Variants in CHD2 observed in about 807,000 individuals in gnomAD.
CHD2 encodes the protein ATP-dependent chromatin remodeler CHD2.
CHD2 carries 28 observed loss-of-function variants against 243.9 expected under a neutral mutation model. The ratio of observed to expected loss-of-function variants is 0.11; its 90% confidence interval spans 0.09 to 0.16. The LOEUF (loss-of-function observed/expected upper bound fraction) is 0.16. Among genes scored for constraint, CHD2 ranks in the 10% least tolerant of loss-of-function variants. The pLI is 1.00. For missense variants in CHD2, 1,386 were observed against 2,209.8 expected (o/e 0.63, Z 7.47); for synonymous variants, 775 against 779.0 (o/e 0.99, Z 0.09).
At chr15:92,939,770 G>A (rs781401296) in intron 7 of CHD2, 52 bp downstream of exon 7, 1 of 1,575,678 alleles carries the variant, frequency 6.3e-7, no homozygotes, top group South Asian at 1.1e-5. Context: ...AAAGTAGTTG[G>A]TTAGATTTTG....
At position 92,946,462 on chromosome 15, in the gene CHD2, G is replaced by A. The variant is rs2053469882; in HGVS notation, c.1377+246G>A. 9.3e-6 allele frequency: 3 copies of A among 321,488 alleles called. No individual in the cohort carries two copies. The Admixed American group carries it at 1.4e-4, about 15-fold the overall frequency. 19.9% of individuals were successfully genotyped at this position (321,488 alleles called of 1,614,324 possible). ...AGATATTTGAGAGAATACTTGAAAG[G>A]ATTTAGGCACTTTTATTTTATTTTA... is the stretch of plus-strand genomic sequence containing the variant. On this transcript the variant is annotated intron_variant, in intron 12 of 38. Coordinates refer to ENST00000394196, the MANE Select transcript of CHD2 (RefSeq NM_001271.4).
At chr15:92,938,318 C>T (rs975760833) in intron 6 of CHD2, among the ~76,000 whole-genome samples, 2 of 152,158 alleles carry the variant, frequency 1.3e-5, no homozygotes, top group African/African-American at 2.4e-5. Flanking sequence ...CAATTCTGTT[C>T]TCATTAGTAG....
At chr15:92,904,466 C>G (rs762121789) in intron 2 of CHD2, 44 of 989,376 alleles carry the variant, frequency 4.4e-5, no homozygotes, top group African/African-American at 1.0e-4. Flanking sequence ...TTCTCCTCCC[C>G]CTACCCAGGG....
At position 92,996,666 on chromosome 15, in the gene CHD2, A is replaced by G. The variant is rs1169534219; in HGVS notation, c.3596-291A>G. On this transcript the variant is annotated intron_variant, in intron 28 of 38. Coordinates refer to ENST00000394196, the MANE Select transcript of CHD2 (RefSeq NM_001271.4). ...CACTAATATTATACCCTCAGAATCT[A>G]CTTTTGTTCATTTGGAAACAAAGTA... is the stretch of plus-strand genomic sequence containing the variant. Among the ~76,000 whole-genome samples, 6 of 152,296 alleles carry G rather than the reference A, an allele frequency of 3.9e-5. No homozygotes were observed. The South Asian group carries it at 8.3e-4, about 21-fold the overall frequency.
intron 37 of CHD2, among the ~76,000 whole-genome samples, chr15:93,015,991 A>G (rs1423882623): frequency 1.3e-5 from 2 of 152,248 alleles, no homozygotes; most frequent in Non-Finnish European, 2.9e-5. Context: ...ATGATGCAGC[A>G]GTCCCTTTAC....
Position 93,000,558 on chromosome 15 carries a change from T to C in CHD2, c.4055T>C (p.Val1352Ala). 1.2e-6 allele frequency: 2 copies of C among 1,613,782 alleles called. No homozygotes were observed. The highest frequency in any genetic ancestry group is 1.6e-4 in the Middle Eastern group (1 of 6,062). The change falls in exon 32 of 39, where the codon GTG (valine) becomes GCG (alanine). Residue 1352 changes from valine to alanine, a missense_variant. By Grantham distance (64) the Val-to-Ala change is moderately conservative (BLOSUM62 0). Around this residue, in one of 19 missense-constraint regions of CHD2, gnomAD observed 125 missense variants for 128.9 expected, o/e 0.97. Coordinates refer to ENST00000394196, the MANE Select transcript of CHD2 (RefSeq NM_001271.4). Reference sequence around the variant, plus strand: ...CCTCGGGTAAAGAAGGAAAACAAAGTGCCCAGGCTGAAAGAGGAGCATGGA... The same window carrying C: ...CCTCGGGTAAAGAAGGAAAACAAAGCGCCCAGGCTGAAAGAGGAGCATGGA... ...RKPRVKKENK[V>A]PRLKEEHGIE...
intron 2 of CHD2, among the ~76,000 whole-genome samples, chr15:92,909,939 C>CGTGTGTGTGTGT (rs57621949): frequency 1.1e-4 from 16 of 149,122 alleles, no homozygotes; most frequent in South Asian, 4.3e-4. Flanking sequence ...AAGGGTTTTA[C>CGTGTGTGTGTGT]GTGTGTGTGT....
rs199572989 is a variant in CHD2 at position 93,009,165 on chromosome 15, C to T, written c.4434C>T (p.Pro1478=). Residue 1478 remains proline (P), a synonymous_variant, in exon 35 of 39, where the codon CCC becomes CCT. Transcript: ENST00000394196. ...TFSICKERMR[P]VKKALKQLDK... ...TGCAGTGTAAGGAGAGGATGAGGCC[C>T]GTGAAAAAGGCACTGAAACAGCTCG... The T allele has an allele frequency of 2.3e-5, 37 of 1,614,042 alleles. No individual in the cohort carries two copies. Among genetic ancestry groups the T allele is most frequent in the African/African-American group, 5.3e-5 (4 of 75,004 alleles).
intron 13 of CHD2, among the ~76,000 whole-genome samples, chr15:92,950,111 C>T (rs1045608571): frequency 1.1e-4 from 17 of 152,142 alleles, no homozygotes; most frequent in South Asian, 2.1e-4. Context: ...TGCCTGGGCA[C>T]GTTCGGACAT....
At chr15:92,989,525 T>A (rs966860215) in intron 26 of CHD2, among the ~76,000 whole-genome samples, 1 of 152,218 alleles carries the variant, frequency 6.6e-6, no homozygotes, top group African/African-American at 2.4e-5. Flanking sequence ...TGTTATGTGA[T>A]CCTTGTCATG....
intron 26 of CHD2, among the ~76,000 whole-genome samples, chr15:92,990,102 A>G (rs142057253): frequency 2.1e-3 from 317 of 152,298 alleles, no homozygotes; most frequent in African/African-American, 7.5e-3. Flanking sequence ...CTATTCACAC[A>G]GTGAGTTCTG....
At chr15:92,972,568 G>GA (rs368325080) in intron 19 of CHD2, 151 bp downstream of exon 19, 61,621 of 389,506 alleles carry the variant, frequency 0.16, 24,335 homozygotes, top group Admixed American at 0.35. Context: ...AAGATTCCAG[G>GA]GGGCCGGGCG....
At chr15:92,975,340 G>T (rs1330101990) in intron 20 of CHD2, among the ~76,000 whole-genome samples, 1 of 152,182 alleles carries the variant, frequency 6.6e-6, no homozygotes, top group Non-Finnish European at 1.5e-5. Context: ...AAATTTGTTG[G>T]ACTTCTGATA....
rs2053460541 is a variant in CHD2 at position 92,945,919 on chromosome 15, G to A, written c.1198+54G>A. ...TCTTCAACATTTCAGAACAGTGTAT[G>A]TTTTGCAGATTATTTTGTTTTGCCA... On this transcript the variant is annotated intron_variant, in intron 11 of 38. Coordinates refer to ENST00000394196, the MANE Select transcript of CHD2 (RefSeq NM_001271.4). 3.4e-6 allele frequency: 5 copies of A among 1,482,564 alleles called. No homozygotes were observed. The South Asian group carries it at 3.7e-5, about 11-fold the overall frequency. 91.8% of individuals were successfully genotyped at this position (1,482,564 alleles called of 1,614,324 possible). A position where few individuals can be genotyped will look rare whatever the true frequency, so the allele number is the denominator to read the frequency against.
chr15:92,964,594 A>G (rs1286651596), intron 16 of CHD2, among the ~76,000 whole-genome samples: 1 of 152,212 alleles, frequency 6.6e-6, no homozygotes, highest in Non-Finnish European at 1.5e-5. Flanking sequence ...TTTTTAACCA[A>G]CTGAAATTCT....
At chr15:92,931,841 GATT>G (rs1374341120) in intron 5 of CHD2, among the ~76,000 whole-genome samples, 1 of 150,484 alleles carries the variant, frequency 6.6e-6, no homozygotes. Flanking sequence ...ATTCAACTTA[GATT>G]TAAAACATTG....
intron 28 of CHD2, among the ~76,000 whole-genome samples, chr15:92,994,101 C>T (rs1475829454): frequency 6.6e-5 from 10 of 152,228 alleles, no homozygotes; most frequent in Non-Finnish European, 1.5e-5. Flanking sequence ...GGCTACCCTT[C>T]TGCAGCTTTG....
intron 2 of CHD2, among the ~76,000 whole-genome samples, chr15:92,922,322 G>A (rs1457658468): frequency 2.6e-5 from 4 of 152,116 alleles, no homozygotes; most frequent in Non-Finnish European, 4.4e-5. Flanking sequence ...TTGGGAATAA[G>A]CAAAATAATA....
At chr15:93,011,322 G>A (rs2054391592) in intron 35 of CHD2, among the ~76,000 whole-genome samples, 1 of 152,200 alleles carries the variant, frequency 6.6e-6, no homozygotes, top group African/African-American at 2.4e-5. Flanking sequence ...GTGAAGAGTA[G>A]TCAGGAAGGA....
Sources: allele counts gnomAD v4.1 joint callset (sites outside exome capture counted in the v4.1 genomes callset), GRCh38; gene constraint gnomAD v4.1.1; regional missense constraint gnomAD v4.1.1; transcripts MANE v1.5; gene names NCBI Gene and HGNC (gene_info 2026-07-23, HGNC 2026-07-21).